SETBP1: variants seen among roughly 807,000 people sequenced by gnomAD.
SETBP1 encodes SET-binding protein.
A neutral mutation model predicts 101.0 loss-of-function variants in SETBP1; 9 were observed. The observed-to-expected ratio is 0.09, with a 90% CI of 0.05 to 0.16. SETBP1 has a LOEUF of 0.16. SETBP1 is among the 10% of genes least tolerant of loss of function. The pLI is 1.00. For synonymous variants in SETBP1, 818 were observed against 788.5 expected, an observed-to-expected ratio of 1.04 and a Z score of -0.63; for missense variants, 1,858 against 2,033.8, an observed-to-expected ratio of 0.91 and a Z score of 1.66.
In SETBP1 at chr18:45,065,163, A is replaced by G. The variant is rs1367339775; in HGVS notation, c.*1465A>G. On this transcript the variant is annotated 3_prime_UTR_variant, in exon 6 of 6. Transcript: ENST00000649279. ...TAGCGTGGACAGATACTCCATCTCTATTATCCATTTCCACAGCCCAAATAA... is the reference window on the plus strand; with the variant it reads ...TAGCGTGGACAGATACTCCATCTCTGTTATCCATTTCCACAGCCCAAATAA... 6.6e-6 allele frequency: 1 copy of G among 152,232 alleles called. No homozygotes were observed. Among genetic ancestry groups the G allele is most frequent in the Non-Finnish European group, 1.5e-5 (1 of 68,040 alleles). The allele number at this position is 152,232 out of a possible 1,614,324, so 9.4% of individuals were successfully genotyped here.
intron 4 of SETBP1, among the ~76,000 whole-genome samples, chr18:45,005,753 T>TCTG (rs774932405): frequency 7.3e-5 from 11 of 150,130 alleles, no homozygotes; most frequent in Admixed American, 2.0e-4. Flanking sequence ...TTCACGCCAT[T>TCTG]CTGCTGCTGC....
intron 3 of SETBP1, among the ~76,000 whole-genome samples, chr18:44,915,990 C>T (rs2070416276): frequency 6.6e-6 from 1 of 152,116 alleles, no homozygotes; most frequent in South Asian, 2.1e-4. Flanking sequence ...CTTTGGGAGG[C>T]CGAGTCAGGC....
intron 5 of SETBP1, among the ~76,000 whole-genome samples, chr18:45,039,506 G>A (rs760876726): frequency 2.0e-5 from 3 of 152,140 alleles, no homozygotes; most frequent in Admixed American, 6.5e-5. Context: ...AATCTCTACC[G>A]TGCAGTTCCC....
chr18:44,692,665 G>A (rs1054313496), intron 1 of SETBP1, among the ~76,000 whole-genome samples: 3 of 152,198 alleles, frequency 2.0e-5, no homozygotes, highest in Non-Finnish European at 4.4e-5. Context: ...GAGCAAGACC[G>A]TGCGTGTGTG....
chr18:45,049,504 A>C (rs1472287344), intron 5 of SETBP1, among the ~76,000 whole-genome samples: 1 of 152,256 alleles, frequency 6.6e-6, no homozygotes, highest in East Asian at 1.9e-4. Context: ...TTACATAATA[A>C]TCAAGATTTC....
At chr18:44,746,284 A>T (rs2070244919) in intron 2 of SETBP1, among the ~76,000 whole-genome samples, 1 of 152,230 alleles carries the variant, frequency 6.6e-6, no homozygotes, top group South Asian at 2.1e-4. Context: ...AATGATGCCC[A>T]CATTTCTGTA....
Position 44,952,837 on chromosome 18 carries a change from C to G in SETBP1, c.3497C>G (p.Thr1166Ser), listed in dbSNP as rs780928730. The change falls in exon 4 of 6, where the codon ACC (threonine) becomes AGC (serine). Residue 1166 changes from threonine (T) to serine (S), a missense_variant. Thr to Ser is a moderately conservative substitution (Grantham distance 58). This residue lies in a region of SETBP1 where 417 missense variants were observed against 389.1 expected (regional missense o/e 1.07). Transcript: ENST00000649279. ...HKHKEDRILG[T>S]HDNLSGLFAG... Reference sequence around the variant, plus strand: ...CACAAGGAAGACCGGATCCTAGGGACCCATGACAACCTGAGTGGTCTTTTT... The same window carrying G: ...CACAAGGAAGACCGGATCCTAGGGAGCCATGACAACCTGAGTGGTCTTTTT... The G allele has an allele frequency of 6.2e-7, 1 of 1,614,006 alleles. No homozygotes were observed. The highest frequency in any genetic ancestry group is 8.5e-7 in the Non-Finnish European group (1 of 1,180,040).
At chr18:44,905,160 G>A (rs2070143920) in intron 3 of SETBP1, among the ~76,000 whole-genome samples, 1 of 152,064 alleles carries the variant, frequency 6.6e-6, no homozygotes, top group Non-Finnish European at 1.5e-5. Context: ...CAGGTGTCCG[G>A]GTACCACATA....
At chr18:44,877,184 C>A in intron 3 of SETBP1, 1 of 884,174 alleles carries the variant, frequency 1.1e-6, no homozygotes, top group Non-Finnish European at 1.4e-6. Flanking sequence ...GTCGCTGGTC[C>A]ACCATGGGAT....
intron 2 of SETBP1, among the ~76,000 whole-genome samples, chr18:44,807,616 G>T (rs74645554): frequency 0.01 from 1,563 of 152,236 alleles, 24 homozygotes; most frequent in African/African-American, 0.036. Context: ...TACCAATTTG[G>T]ATTTATTTGC....
intron 4 of SETBP1, among the ~76,000 whole-genome samples, chr18:45,004,563 A>G: frequency 6.6e-6 from 1 of 152,256 alleles, no homozygotes; most frequent in African/African-American, 2.4e-5. Context: ...GTAACTCTTC[A>G]GGTAAATGAA....
intron 2 of SETBP1, among the ~76,000 whole-genome samples, chr18:44,762,930 G>A: frequency 6.6e-6 from 1 of 152,186 alleles, no homozygotes; most frequent in Non-Finnish European, 1.5e-5. Context: ...GTAAGGCATG[G>A]TGTCAAGTAT....
intron 5 of SETBP1, among the ~76,000 whole-genome samples, chr18:45,041,364 A>G (rs2073504802): frequency 6.6e-6 from 1 of 152,196 alleles, no homozygotes; most frequent in Admixed American, 6.5e-5. Context: ...ATAGTAACAT[A>G]TATAGTACTG....
intron 4 of SETBP1, among the ~76,000 whole-genome samples, chr18:45,030,754 C>A (rs1183169757): frequency 6.7e-6 from 1 of 148,966 alleles, no homozygotes; most frequent in Non-Finnish European, 1.5e-5. Context: ...GTGTATGTGT[C>A]GAGGAATTTA....
intron 2 of SETBP1, among the ~76,000 whole-genome samples, chr18:44,851,127 T>C (rs1477733805): frequency 6.6e-6 from 1 of 152,162 alleles, no homozygotes; most frequent in Non-Finnish European, 1.5e-5. Flanking sequence ...ATCATCATTA[T>C]CATTATCATC....
intron 3 of SETBP1, among the ~76,000 whole-genome samples, chr18:44,887,779 G>A (rs2069681898): frequency 6.6e-6 from 1 of 152,098 alleles, no homozygotes; most frequent in Non-Finnish European, 1.5e-5. Context: ...TGAGCAAGTG[G>A]CCAATTGTGT....
At chr18:44,775,041 A>G (rs1321370902) in intron 2 of SETBP1, among the ~76,000 whole-genome samples, 1 of 152,146 alleles carries the variant, frequency 6.6e-6, no homozygotes, top group Non-Finnish European at 1.5e-5. Flanking sequence ...TGCTGATGAA[A>G]ACTATGAAAA....
chr18:44,841,894 C>T (rs1307441261), intron 2 of SETBP1, among the ~76,000 whole-genome samples: 1 of 152,202 alleles, frequency 6.6e-6, no homozygotes, highest in Non-Finnish European at 1.5e-5. Context: ...AGCAGCACAT[C>T]ATATAATTTT....
chr18:44,853,019 G>A (rs2072904832), intron 2 of SETBP1, among the ~76,000 whole-genome samples: 1 of 152,222 alleles, frequency 6.6e-6, no homozygotes, highest in Non-Finnish European at 1.5e-5. Context: ...GCTGGTGGAT[G>A]CACTAACAAA....
Sources: allele counts gnomAD v4.1 joint callset (sites outside exome capture counted in the v4.1 genomes callset), GRCh38; gene constraint gnomAD v4.1.1; regional missense constraint gnomAD v4.1.1; transcripts MANE v1.5; gene names NCBI Gene and HGNC (gene_info 2026-07-23, HGNC 2026-07-21).